The following CRIM1 variants were observed in gnomAD, a reference collection of about 807,000 sequenced individuals.
CRIM1 encodes cysteine rich transmembrane BMP regulator 1, also known as cysteine-rich motor neuron 1 protein.
CRIM1 carries 32 observed loss-of-function variants against 116.4 expected under a neutral mutation model. That is an observed-to-expected ratio of 0.27 (90% CI 0.21 to 0.37). The LOEUF (loss-of-function observed/expected upper bound fraction) is 0.37, where lower values mean the gene tolerates loss of function less well. Among genes scored for constraint, CRIM1 ranks in the 10% least tolerant of loss-of-function variants. The pLI is 1.00. For missense variants in CRIM1, 1,331 were observed against 1,354.8 expected, an observed-to-expected ratio of 0.98 and a Z score of 0.28; for synonymous variants, 590 against 509.2, an observed-to-expected ratio of 1.16 and a Z score of -2.13.
At chr2:36,378,712 G>C in intron 1 of CRIM1, 6 of 154,808 alleles carry the variant, frequency 3.9e-5, no homozygotes, top group Non-Finnish European at 8.6e-5. Flanking sequence ...TCTGACCTCA[G>C]TCATTTTCAA....
chr2:36,487,333 G>A (rs1679897709), intron 7 of CRIM1, among the ~76,000 whole-genome samples: 1 of 152,138 alleles, frequency 6.6e-6, no homozygotes, highest in African/African-American at 2.4e-5. Context: ...ATACTAAAAT[G>A]TACATATTCA....
At chr2:36,412,419 G>C (rs1236185430) in intron 2 of CRIM1, among the ~76,000 whole-genome samples, 1 of 152,102 alleles carries the variant, frequency 6.6e-6, no homozygotes, top group Non-Finnish European at 1.5e-5. Flanking sequence ...TCCATATTTG[G>C]CCATCGAGAG....
chr2:36,441,580 C>T, intron 3 of CRIM1, 80 bp downstream of exon 3: 3 of 1,536,282 alleles, frequency 2.0e-6, no homozygotes, highest in Non-Finnish European at 2.6e-6. Context: ...CCCCTGGCCT[C>T]TCCTTTCACA....
At chr2:36,545,504 A>G (rs549399202) in intron 15 of CRIM1, among the ~76,000 whole-genome samples, 16 of 152,296 alleles carry the variant, frequency 1.1e-4, no homozygotes, top group African/African-American at 3.6e-4. Flanking sequence ...TAAAGCCCCT[A>G]AAGAGAAATT....
At chr2:36,494,471 A>G (rs1403524473) in intron 7 of CRIM1, among the ~76,000 whole-genome samples, 3 of 152,212 alleles carry the variant, frequency 2.0e-5, no homozygotes, top group African/African-American at 7.2e-5. Flanking sequence ...ACGTTAGAAG[A>G]TATTTTCTTT....
At chr2:36,512,639 G>A (rs1344256751) in intron 10 of CRIM1, among the ~76,000 whole-genome samples, 1 of 152,170 alleles carries the variant, frequency 6.6e-6, no homozygotes, top group Admixed American at 6.5e-5. Flanking sequence ...TCACTTCCTA[G>A]CTCTTTTTAC....
chr2:36,547,503 T>C lies in CRIM1; in HGVS notation c.2934+332T>C, dbSNP rs376385422. 9.2e-5 allele frequency among the ~76,000 whole-genome samples: 14 copies of C among 152,266 alleles called. No homozygotes were observed. In the East Asian group the frequency reaches 2.7e-3, roughly 29 times the overall value. On this transcript the variant is annotated intron_variant, in intron 16 of 16. Coordinates refer to ENST00000280527, the MANE Select transcript of CRIM1 (RefSeq NM_016441.3). ...GTTTATATTAGACATTAAAACGTGA[T>C]CACCTGGCATTTCTTAGTCATCAGT...
chr2:36,480,604 T>A (rs957957241), intron 7 of CRIM1, among the ~76,000 whole-genome samples: 1 of 152,214 alleles, frequency 6.6e-6, no homozygotes, highest in African/African-American at 2.4e-5. Context: ...CGAAGAAATC[T>A]TGTGCTTCCA....
intron 4 of CRIM1, among the ~76,000 whole-genome samples, chr2:36,445,721 G>C (rs1409814893): frequency 6.6e-6 from 1 of 152,048 alleles, no homozygotes; most frequent in East Asian, 1.9e-4. Flanking sequence ...TACTAAGGAG[G>C]GTGATGGGAT....
chr2:36,430,585 A>C (rs1446215552), intron 2 of CRIM1, among the ~76,000 whole-genome samples: 2 of 152,180 alleles, frequency 1.3e-5, no homozygotes, highest in African/African-American at 4.8e-5. Context: ...AAGGACACAA[A>C]CAGGGCATAG....
At chr2:36,529,930 C>G (rs1415916389) in intron 13 of CRIM1, among the ~76,000 whole-genome samples, 1 of 152,194 alleles carries the variant, frequency 6.6e-6, no homozygotes, top group Admixed American at 6.5e-5. Context: ...GTGGCCAAAT[C>G]TGCTTTCACA....
chr2:36,458,913 G>T (rs1677361200), intron 4 of CRIM1, among the ~76,000 whole-genome samples: 2 of 152,154 alleles, frequency 1.3e-5, no homozygotes, highest in South Asian at 4.1e-4. Flanking sequence ...TCTTCTTTGG[G>T]TGACAGTATT....
Position 36,403,082 on chromosome 2 carries a change from T to C in CRIM1, c.505+6295T>C, listed in dbSNP as rs112584069. On this transcript the variant is annotated intron_variant, in intron 2 of 16. Coordinates refer to ENST00000280527, the MANE Select transcript of CRIM1 (RefSeq NM_016441.3). ...TTTGTATAGAAAAATAAGAATAACC[T>C]ACTTTGCAGTGATTTATCACCAGGC... is the stretch of plus-strand genomic sequence containing the variant. Among the ~76,000 whole-genome samples, 447 of 152,324 alleles carry C rather than the reference T, an allele frequency of 2.9e-3. 4 individuals are homozygous for C. The highest frequency in any genetic ancestry group is 9.6e-3 in the African/African-American group (399 of 41,576).
chr2:36,375,440 C>T (rs1670251895), intron 1 of CRIM1, among the ~76,000 whole-genome samples: 6 of 152,004 alleles, frequency 3.9e-5, no homozygotes, highest in African/African-American at 7.3e-5. Context: ...AATACAAATC[C>T]GCAAAGCAAA....
chr2:36,461,438 G>A (rs3770869), intron 4 of CRIM1, among the ~76,000 whole-genome samples: 7 of 152,158 alleles, frequency 4.6e-5, no homozygotes, highest in East Asian at 1.9e-4. Context: ...GGTTGCATGC[G>A]TCAGTTCTTC....
chr2:36,431,751 C>A (rs570352514), intron 2 of CRIM1, among the ~76,000 whole-genome samples: 127 of 152,250 alleles, frequency 8.3e-4, no homozygotes, highest in Non-Finnish European at 1.4e-3. Context: ...ATAGGAAGGG[C>A]TCTCAGAACA....
At chr2:36,407,729 A>G (rs1022471271) in intron 2 of CRIM1, among the ~76,000 whole-genome samples, 2 of 151,330 alleles carry the variant, frequency 1.3e-5, no homozygotes, top group African/African-American at 2.4e-5. Flanking sequence ...AAAGGAAGTC[A>G]CGATTAAATA....
intron 8 of CRIM1, among the ~76,000 whole-genome samples, chr2:36,502,372 T>C (rs1205308889): frequency 1.3e-5 from 2 of 152,218 alleles, no homozygotes; most frequent in Non-Finnish European, 2.9e-5. Flanking sequence ...TTTGGCATTT[T>C]AAAAGGATCA....
intron 2 of CRIM1, among the ~76,000 whole-genome samples, chr2:36,419,216 G>A (rs973842343): frequency 6.6e-5 from 10 of 152,136 alleles, no homozygotes; most frequent in African/African-American, 2.4e-4. Flanking sequence ...TTTATTATTA[G>A]GACAACATGG....
Sources: gnomAD v4.1 joint callset for allele counts (sites outside exome capture counted in the v4.1 genomes callset) on GRCh38, gnomAD v4.1.1 for gene constraint, MANE v1.5 for transcripts, NCBI Gene and HGNC (gene_info 2026-07-23, HGNC 2026-07-21) for gene names.